Variants in PDXK observed in about 807,000 individuals in gnomAD.
PDXK encodes epididymis secretory sperm binding protein Li 1a.
A neutral mutation model predicts 43.2 loss-of-function variants in PDXK; 15 were observed. The observed-to-expected ratio is 0.35, with a 90% confidence interval of 0.23 to 0.53. The LOEUF (loss-of-function observed/expected upper bound fraction) is 0.53, where lower values mean the gene tolerates loss of function less well. Ranked by LOEUF, PDXK falls within the 20% of genes least tolerant of loss-of-function variation. The pLI is 0.92. For synonymous variants in PDXK, 172 were observed against 165.4 expected, an observed-to-expected ratio of 1.04 and a Z score of -0.31; for missense variants, 343 against 417.0, an observed-to-expected ratio of 0.82 and a Z score of 1.54.
intron 2 of PDXK, among the ~76,000 whole-genome samples, chr21:43,740,565 C>T (rs1459617522): frequency 6.6e-6 from 1 of 151,964 alleles, no homozygotes; most frequent in Non-Finnish European, 1.5e-5. Flanking sequence ...GGATGGCTGC[C>T]CCCTGAGCAG....
chr21:43,734,047 C>T lies in PDXK; in HGVS notation c.88-22C>T, dbSNP rs1293958596. On this transcript the variant is annotated intron_variant, in intron 1 of 10. Coordinates refer to ENST00000291565, the MANE Select transcript of PDXK (RefSeq NM_003681.5). This position sits in a 1 kb window ranked among gnomAD's most constrained non-coding sequence, Gnocchi z 5.0. Reference sequence around the variant, plus strand: ...CCAGACCTGGCTCTCTTACGCCTACCTGTTCCTTCTCTGTCTTGCAGGTTT... The same window carrying T: ...CCAGACCTGGCTCTCTTACGCCTACTTGTTCCTTCTCTGTCTTGCAGGTTT... 1.9e-6 allele frequency: 3 copies of T among 1,613,674 alleles called. No individual in the cohort carries two copies. The highest frequency in any genetic ancestry group is 2.5e-6 in the Non-Finnish European group (3 of 1,179,548).
chr21:43,728,598 T>G (rs2083277855), intron 1 of PDXK: 1 of 454,404 alleles, frequency 2.2e-6, no homozygotes, highest in Admixed American at 6.4e-5. Flanking sequence ...AGTGTCTGGC[T>G]GTCTGCCTGT....
chr21:43,758,342 G>C lies in PDXK; in HGVS notation c.*2279G>C, dbSNP rs747212337. 2 of 153,554 alleles carry C rather than the reference G, an allele frequency of 1.3e-5. No individual in the cohort carries two copies. Among genetic ancestry groups the C allele is most frequent in the African/African-American group, 4.8e-5 (2 of 41,450 alleles). The allele number at this position is 153,554 out of a possible 1,614,324, so 9.5% of individuals were successfully genotyped here. On this transcript the variant is annotated 3_prime_UTR_variant, in exon 11 of 11. Transcript: ENST00000291565. ...TCTGTTTTCTTTGGCTGTATCAGCC[G>C]AACCAGGAGAGGCCTGGGCTGCGAC...
In PDXK at chr21:43,736,560, G is replaced by C. The variant is rs1195017955; in HGVS notation, c.142+2437G>C. ...TGCACAGGCTGCGCCTGATTTGGCA[G>C]GGAGCTGGGATGATGCTGCCAGGGA... On this transcript the variant is annotated intron_variant, in intron 2 of 10. Transcript: ENST00000291565. 2.0e-5 allele frequency among the ~76,000 whole-genome samples: 3 copies of C among 152,296 alleles called. No individual in the cohort carries two copies. The East Asian group carries it at 5.8e-4, about 29-fold the overall frequency.
In PDXK at chr21:43,759,381, G is replaced by A. The variant is rs1176628167; in HGVS notation, c.*3318G>A. The A allele has an allele frequency of 6.5e-6, 1 of 153,866 alleles. No individual in the cohort carries two copies. Among genetic ancestry groups the A allele is most frequent in the Non-Finnish European group, 1.5e-5 (1 of 68,104 alleles). The allele number at this position is 153,866 out of a possible 1,614,324, so 9.5% of individuals were successfully genotyped here. A position where few individuals can be genotyped will look rare whatever the true frequency, so the allele number is the denominator to read the frequency against. ...TTAGTTTAACTATGCAAAGAGAGGA[G>A]GTTGAGAGTGTTCTGGCAGCTGGAG... On this transcript the variant is annotated 3_prime_UTR_variant, in exon 11 of 11. Coordinates refer to ENST00000291565, the MANE Select transcript of PDXK (RefSeq NM_003681.5).
rs1601837643 is a variant in PDXK, at chr21:43,753,704, C to T, written c.744C>T (p.His248=). The change falls in exon 9 of 11, where the codon CAC becomes CAT. Residue 248 remains histidine, a synonymous_variant. Transcript: ENST00000291565. ...TGCTCCTGGCGTGGACACACAAGCA[C>T]CCCAATAACCTCAAGGTCAGCCACA... ...AAMLLAWTHK[H]PNNLKVACEK... 8.1e-6 allele frequency: 13 copies of T among 1,612,638 alleles called. No individual in the cohort carries two copies. Among genetic ancestry groups the T allele is most frequent in the Non-Finnish European group, 8.5e-6 (10 of 1,179,254 alleles).
At chr21:43,726,987 T>A (rs573534841) in intron 1 of PDXK, among the ~76,000 whole-genome samples, 3 of 152,356 alleles carry the variant, frequency 2.0e-5, no homozygotes, top group African/African-American at 7.2e-5. Flanking sequence ...GTCATGGGCA[T>A]GCATGTGTGT....
intron 4 of PDXK, chr21:43,745,823 C>A (rs2083629519): frequency 2.0e-6 from 1 of 501,896 alleles, no homozygotes; most frequent in South Asian, 2.4e-5. Flanking sequence ...ATGGTGAGAA[C>A]CCATCTGTAC....
rs1230663164 is a variant in PDXK at position 43,752,580 on chromosome 21, C to T, written c.573C>T (p.Pro191=). 2 of 1,613,116 alleles carry T rather than the reference C, an allele frequency of 1.2e-6. No homozygotes were observed. Among genetic ancestry groups the T allele is most frequent in the African/African-American group, 2.7e-5 (2 of 74,934 alleles). The change falls in exon 8 of 11, where the codon CCC becomes CCT. Residue 191 remains proline, a synonymous_variant. Coordinates refer to ENST00000291565, the MANE Select transcript of PDXK (RefSeq NM_003681.5). ...TGGTCATCACCAGCTCCGACCTGCCCTCCCCGCAGGGCAGCAACTACCTGA... is the reference window on the plus strand; with the variant it reads ...TGGTCATCACCAGCTCCGACCTGCCTTCCCCGCAGGGCAGCAACTACCTGA... ...DTVVITSSDL[P]SPQGSNYLIV... is the part of the protein sequence containing the mutation.
At chr21:43,731,995 T>G in intron 1 of PDXK, 4 of 282,262 alleles carry the variant, frequency 1.4e-5, no homozygotes, top group Non-Finnish European at 2.4e-5. Context: ...GGGCATGCGA[T>G]GAGGAATTCT....
At chr21:43,733,984 C>G in intron 1 of PDXK, 85 bp from the exon 2 acceptor site, 2 of 1,358,154 alleles carry the variant, frequency 1.5e-6, no homozygotes, top group Non-Finnish European at 2.1e-6. Context: ...CATTTACTCC[C>G]CTCTTCTGAG....
At chr21:43,727,299 A>G (rs2083264499) in intron 1 of PDXK, among the ~76,000 whole-genome samples, 1 of 152,210 alleles carries the variant, frequency 6.6e-6, no homozygotes, top group Non-Finnish European at 1.5e-5. Context: ...AGAAAGGAAG[A>G]AAGGAGTTGT....
chr21:43,750,027 C>G (rs1027772539), intron 6 of PDXK, among the ~76,000 whole-genome samples: 17 of 150,938 alleles, frequency 1.1e-4, no homozygotes, highest in Admixed American at 9.9e-4. Flanking sequence ...TGAGCCCCCC[C>G]ATTCACGCAG....
In PDXK at chr21:43,732,327, C is replaced by A; in HGVS notation, c.88-1742C>A. On this transcript the variant is annotated intron_variant, in intron 1 of 10. Transcript: ENST00000291565. This position sits in a 1 kb window ranked among gnomAD's most constrained non-coding sequence, Gnocchi z 4.1. The stretch of plus-strand genomic sequence containing the variant: ...CGTCCTGGACCTTGGCACCCCGCCC[C>A]CCGTGCATTGTCGTCTTCTGAGTCT... The A allele has an allele frequency of 6.2e-7, 1 of 1,605,722 alleles. No individual in the cohort carries two copies. Among genetic ancestry groups the A allele is most frequent in the Non-Finnish European group, 8.5e-7 (1 of 1,174,512 alleles).
At chr21:43,745,830 G>C in intron 4 of PDXK, 1 of 542,858 alleles carries the variant, frequency 1.8e-6, no homozygotes, top group East Asian at 3.2e-5. Context: ...GAACCCATCT[G>C]TACAAATCAT....
intron 1 of PDXK, among the ~76,000 whole-genome samples, chr21:43,727,835 G>T (rs1476513122): frequency 6.6e-6 from 1 of 152,238 alleles, no homozygotes. Flanking sequence ...ACGCTGTGGG[G>T]GTGGACGGGG....
intron 1 of PDXK, chr21:43,719,681 C>T: frequency 1.0e-6 from 1 of 985,458 alleles, no homozygotes; most frequent in Non-Finnish European, 1.2e-6. Flanking sequence ...CGCCCCTTCC[C>T]GCCGACCGGG....
At chr21:43,744,004 G>C (rs2083593314) in intron 4 of PDXK, among the ~76,000 whole-genome samples, 197 bp downstream of exon 4, 1 of 152,246 alleles carries the variant, frequency 6.6e-6, no homozygotes, top group Non-Finnish European at 1.5e-5. Flanking sequence ...AGAAGCGTTT[G>C]CAGGTGACCC....
At position 43,741,761 on chromosome 21, in the gene PDXK, C is replaced by T. The variant is rs377429587; in HGVS notation, c.237C>T (p.Tyr79=). The T allele has an allele frequency of 5.0e-6, 8 of 1,603,792 alleles. No individual in the cohort carries two copies. The highest frequency in any genetic ancestry group is 5.1e-6 in the Non-Finnish European group (6 of 1,171,890). The change falls in exon 3 of 11, where the codon TAC becomes TAT. Residue 79 remains tyrosine, a synonymous_variant. Transcript: ENST00000291565. ...LRLNNMNKYD[Y]VLTGYTRDKS... ...TGAACAACATGAATAAATATGACTA[C>T]GTGCTCACAGGTAGGTGCCGGAGCA...
Sources: gnomAD v4.1 joint callset for allele counts (sites outside exome capture counted in the v4.1 genomes callset) on GRCh38, gnomAD v4.1.1 for gene constraint, Gnocchi (gnomAD v3.1) non-coding constraint, MANE v1.5 for transcripts, NCBI Gene and HGNC (gene_info 2026-07-23, HGNC 2026-07-21) for gene names.